IGSF3: variants seen among roughly 807,000 people sequenced by gnomAD.
IGSF3 encodes immunoglobulin superfamily member 3.
Under a neutral mutation model 114.4 loss-of-function variants are expected in IGSF3, and 23 were observed. That is an observed-to-expected ratio of 0.20 (90% confidence interval 0.14 to 0.28). The LOEUF is 0.28. Ranked by LOEUF, IGSF3 falls within the 10% of genes least tolerant of loss-of-function variation. The pLI is 1.00. For synonymous variants in IGSF3, 571 were observed against 645.2 expected, an observed-to-expected ratio of 0.88 and a Z score of 1.74; for missense variants, 1,172 against 1,591.5, an observed-to-expected ratio of 0.74 and a Z score of 4.48.
In IGSF3 at chr1:116,661,775, G is replaced by A. The variant is rs1404948168; in HGVS notation, c.43+4509C>T. Among the ~76,000 whole-genome samples, 1 of 152,138 alleles carries A rather than the reference G, an allele frequency of 6.6e-6. No individual in the cohort carries two copies. Among genetic ancestry groups the A allele is most frequent in the East Asian group, 1.9e-4 (1 of 5,188 alleles). ...GTCATAGAATCCCAAGTTTTTCTCA[G>A]GACACATGGACCCTCAGGATAAGCA... On this transcript the variant is annotated intron_variant, in intron 2 of 10. Transcript: ENST00000369486. This position sits in a 1 kb window ranked among gnomAD's most constrained non-coding sequence, Gnocchi z 4.0.
At chr1:116,580,778 C>G (rs1199971034) in intron 9 of IGSF3, among the ~76,000 whole-genome samples, 1 of 152,136 alleles carries the variant, frequency 6.6e-6, no homozygotes, top group Non-Finnish European at 1.5e-5. Flanking sequence ...TCCTTATGAG[C>G]ACAGGAGAGA....
rs200026277 is a variant in IGSF3 at position 116,616,432 on chromosome 1, G to C, written c.69C>G (p.Val23=). The C allele has an allele frequency of 3.1e-5, 49 of 1,601,840 alleles. No individual in the cohort carries two copies. The highest frequency in any genetic ancestry group is 4.1e-5 in the Non-Finnish European group (48 of 1,171,772). ...GGTACAAGGGTCCTTCCTGAACGGT[G>C]ACCTGCCGCTGTGCTGACACCACAC... ...VLGVVSAQRQ[V]TVQEGPLYRT... is the part of the protein sequence containing the mutation. The change falls in exon 3 of 11, where the codon GTC becomes GTG. Residue 23 remains valine (V), a synonymous_variant. Coordinates refer to ENST00000369486, the MANE Select transcript of IGSF3 (RefSeq NM_001007237.3). This position sits in a 1 kb window ranked among gnomAD's most constrained non-coding sequence, Gnocchi z 6.6.
chr1:116,601,197 T>A (rs1660567146), intron 6 of IGSF3, among the ~76,000 whole-genome samples: 1 of 152,204 alleles, frequency 6.6e-6, no homozygotes, highest in Admixed American at 6.5e-5. Flanking sequence ...GCTTGTCATC[T>A]CTTCCTGCAG....
intron 6 of IGSF3, among the ~76,000 whole-genome samples, chr1:116,601,423 T>C (rs1270685876): frequency 1.3e-5 from 2 of 152,228 alleles, no homozygotes; most frequent in African/African-American, 2.4e-5. Context: ...ACATTAAAGT[T>C]ACTTAACTTC....
At chr1:116,599,174 G>C (rs1337297845) in intron 7 of IGSF3, among the ~76,000 whole-genome samples, 1 of 151,998 alleles carries the variant, frequency 6.6e-6, no homozygotes, top group Non-Finnish European at 1.5e-5. Context: ...TAAAGTAACT[G>C]ACCTTCAGCG....
In IGSF3 at chr1:116,577,402, A is replaced by T; in HGVS notation, c.3495T>A (p.Pro1165=). The change falls in exon 11 of 11, where the codon CCT becomes CCA. Residue 1165 remains proline (P), a synonymous_variant. Transcript: ENST00000369486. This position sits in a 1 kb window ranked among gnomAD's most constrained non-coding sequence, Gnocchi z 5.7. Reference sequence around the variant, plus strand: ...GGTGTGGCTCTTTGATCCACAGCAGAGGCACCCCATTCTTCCCATCAGAGT... The same window carrying T: ...GGTGTGGCTCTTTGATCCACAGCAGTGGCACCCCATTCTTCCCATCAGAGT... ...SKNSDGKNGV[P]LLWIKEPHLN... is the part of the protein sequence containing the mutation. 6.2e-7 allele frequency: 1 copy of T among 1,614,200 alleles called. No individual in the cohort carries two copies. Among genetic ancestry groups the T allele is most frequent in the South Asian group, 1.1e-5 (1 of 91,084 alleles).
intron 2 of IGSF3, among the ~76,000 whole-genome samples, chr1:116,646,306 C>T (rs1043427190): frequency 1.3e-5 from 2 of 152,130 alleles, no homozygotes; most frequent in Admixed American, 6.6e-5. Context: ...TGGTGAAACG[C>T]CATTATCGTT....
In IGSF3 at chr1:116,588,966, G is replaced by A. The variant is rs140731595; in HGVS notation, c.2168C>T (p.Ser723Leu). ...CAGGATAAGCTTGCCATCGGCATCC[G>A]AGGGCTTGTGGACATACCAGAGCAC... Reference protein sequence around the residue: ...FAVLWYVHKPSDADGKLILKT... With the variant: ...FAVLWYVHKPLDADGKLILKT... The change falls in exon 8 of 11, where the codon TCG becomes TTG. Residue 723 changes from serine (S) to leucine (L), a missense_variant. Transcript: ENST00000369486. The surrounding 1 kb of genome is among the most constrained non-coding windows in gnomAD (Gnocchi z 4.9). 99 of 1,614,106 alleles carry A rather than the reference G, an allele frequency of 6.1e-5. No homozygotes were observed. Among genetic ancestry groups the A allele is most frequent in the Non-Finnish European group, 7.1e-5 (84 of 1,180,048 alleles).
chr1:116,576,739 C>T lies in IGSF3; in HGVS notation c.*573G>A, dbSNP rs776095233. 6.5e-6 allele frequency: 1 copy of T among 152,988 alleles called. No individual in the cohort carries two copies. The highest frequency in any genetic ancestry group is 2.4e-5 in the African/African-American group (1 of 41,434). 9.5% of individuals were successfully genotyped at this position (152,988 alleles called of 1,614,324 possible). A position where few individuals can be genotyped will look rare whatever the true frequency, so the allele number is the denominator to read the frequency against. On this transcript the variant is annotated 3_prime_UTR_variant, in exon 11 of 11. Coordinates refer to ENST00000369486, the MANE Select transcript of IGSF3 (RefSeq NM_001007237.3). The surrounding 1 kb of genome is among the most constrained non-coding windows in gnomAD (Gnocchi z 4.6). Reference sequence around the variant, plus strand: ...TCCAGCTGAGGGAAAAGACAACATACAAATTTTGCCCACACTACACACAAT... The same window carrying T: ...TCCAGCTGAGGGAAAAGACAACATATAAATTTTGCCCACACTACACACAAT...
At position 116,654,417 on chromosome 1, in the gene IGSF3, T is replaced by G. The variant is rs1648759793; in HGVS notation, c.43+11867A>C. ...AGAAAAGTGCAGATCAATGCCTCCT[T>G]AGGGTTAACCCCAGGTTGGGAGAGG... On this transcript the variant is annotated intron_variant, in intron 2 of 10. Transcript: ENST00000369486. This position sits in a 1 kb window ranked among gnomAD's most constrained non-coding sequence, Gnocchi z 4.4. 6.6e-6 allele frequency among the ~76,000 whole-genome samples: 1 copy of G among 152,176 alleles called. No individual in the cohort carries two copies. The highest frequency in any genetic ancestry group is 1.5e-5 in the Non-Finnish European group (1 of 68,018).
rs1208402803 is a variant in IGSF3, at chr1:116,664,508, C to A, written c.43+1776G>T. 6.6e-6 allele frequency among the ~76,000 whole-genome samples: 1 copy of A among 152,200 alleles called. No individual in the cohort carries two copies. The highest frequency in any genetic ancestry group is 1.5e-5 in the Non-Finnish European group (1 of 68,034). The stretch of plus-strand genomic sequence containing the variant: ...CCCACCCTGCCACTCAGCCCTCTTT[C>A]CCGCCTTAGCCACACACCCCACCCC... On this transcript the variant is annotated intron_variant, in intron 2 of 10. Transcript: ENST00000369486. The surrounding 1 kb of genome is among the most constrained non-coding windows in gnomAD (Gnocchi z 4.6).
At chr1:116,586,256 A>G (rs1466149437) in intron 8 of IGSF3, among the ~76,000 whole-genome samples, 1 of 152,238 alleles carries the variant, frequency 6.6e-6, no homozygotes, top group Non-Finnish European at 1.5e-5. Context: ...AACAAAATAT[A>G]TTTTAAATAA....
chr1:116,616,405 G>A lies in IGSF3; in HGVS notation c.96C>T (p.Arg32=), dbSNP rs1319268425. The A allele has an allele frequency of 1.2e-6, 2 of 1,609,374 alleles. No individual in the cohort carries two copies. Among genetic ancestry groups the A allele is most frequent in the Middle Eastern group, 2.3e-4 (1 of 4,426 alleles). The change falls in exon 3 of 11, where the codon CGC becomes CGT. Residue 32 remains arginine, a synonymous_variant. Coordinates refer to ENST00000369486, the MANE Select transcript of IGSF3 (RefSeq NM_001007237.3). This position sits in a 1 kb window ranked among gnomAD's most constrained non-coding sequence, Gnocchi z 6.6. ...AGATAGTGATGTGGGAGCCCTCCGT[G>A]CGGTACAAGGGTCCTTCCTGAACGG... ...QVTVQEGPLY[R]TEGSHITIWC...
chr1:116,630,328 C>T (rs1428171233), intron 2 of IGSF3, among the ~76,000 whole-genome samples: 1 of 152,220 alleles, frequency 6.6e-6, no homozygotes, highest in African/African-American at 2.4e-5. Context: ...GAAGTAGAGG[C>T]TTTCTCTCTG....
intron 2 of IGSF3, among the ~76,000 whole-genome samples, chr1:116,635,224 T>G (rs1647772340): frequency 6.6e-6 from 1 of 152,190 alleles, no homozygotes; most frequent in Non-Finnish European, 1.5e-5. Flanking sequence ...TTCTCACTGA[T>G]TTTTTGCCAC....
In IGSF3 at chr1:116,618,634, C is replaced by T. The variant is rs1211138090; in HGVS notation, c.44-2177G>A. Among the ~76,000 whole-genome samples, 1 of 152,102 alleles carries T rather than the reference C, an allele frequency of 6.6e-6. No individual in the cohort carries two copies. Among genetic ancestry groups the T allele is most frequent in the African/African-American group, 2.4e-5 (1 of 41,414 alleles). On this transcript the variant is annotated intron_variant, in intron 2 of 10. Coordinates refer to ENST00000369486, the MANE Select transcript of IGSF3 (RefSeq NM_001007237.3). This position sits in a 1 kb window ranked among gnomAD's most constrained non-coding sequence, Gnocchi z 4.7. ...TTGTTGAAGTACACCCTATGATGTC[C>T]ACACAAGAATGAAATTGCCGAATGA...
At chr1:116,581,763 C>A (rs1004268401) in intron 9 of IGSF3, among the ~76,000 whole-genome samples, 1 of 152,146 alleles carries the variant, frequency 6.6e-6, no homozygotes, top group East Asian at 1.9e-4. Context: ...CAGAATATGG[C>A]CGGGTGGGGA....
Position 116,574,634 on chromosome 1 carries a change from A to G in IGSF3, c.*2678T>C, listed in dbSNP as rs1252088368. 6.6e-6 allele frequency: 1 copy of G among 152,628 alleles called. No homozygotes were observed. The highest frequency in any genetic ancestry group is 1.5e-5 in the Non-Finnish European group (1 of 68,034). 9.5% of individuals were successfully genotyped at this position (152,628 alleles called of 1,614,324 possible). A position where few individuals can be genotyped will look rare whatever the true frequency, so the allele number is the denominator to read the frequency against. ...TTGCTACAGAAACACCCGGTGAAAG[A>G]GGGTGTGGTCATATTCATGTCCTAG... is the stretch of plus-strand genomic sequence containing the variant. On this transcript the variant is annotated 3_prime_UTR_variant, in exon 11 of 11. Coordinates refer to ENST00000369486, the MANE Select transcript of IGSF3 (RefSeq NM_001007237.3). The surrounding 1 kb of genome is among the most constrained non-coding windows in gnomAD (Gnocchi z 5.2).
chr1:116,600,150 C>A lies in IGSF3; in HGVS notation c.1820G>T (p.Gly607Val), dbSNP rs1175019613. ...GGTTCGGAAGCTGGAGGACCTGTCC[C>A]CCCACTGGACCCCTCCGTCCCGGGT... ...TFTRDGGVQW[G>V]DRSSSFRTRT... Residue 607 changes from glycine (G) to valine (V), a missense_variant, in exon 7 of 11, where the codon GGG becomes GTG. Coordinates refer to ENST00000369486, the MANE Select transcript of IGSF3 (RefSeq NM_001007237.3). The surrounding 1 kb of genome is among the most constrained non-coding windows in gnomAD (Gnocchi z 5.5). 6.2e-7 allele frequency: 1 copy of A among 1,613,932 alleles called. No individual in the cohort carries two copies. Among genetic ancestry groups the A allele is most frequent in the African/African-American group, 1.3e-5 (1 of 74,948 alleles).
Sources: gnomAD v4.1 joint callset for allele counts (sites outside exome capture counted in the v4.1 genomes callset) on GRCh38, gnomAD v4.1.1 for gene constraint, Gnocchi (gnomAD v3.1) non-coding constraint, MANE v1.5 for transcripts, NCBI Gene and HGNC (gene_info 2026-07-23, HGNC 2026-07-21) for gene names.